Variants in TRHDE observed in about 807,000 individuals in gnomAD.
TRHDE encodes thyrotropin-releasing hormone-degrading ectoenzyme.
Under a neutral mutation model 125.7 loss-of-function variants are expected in TRHDE, and 72 were observed. That is an observed-to-expected ratio of 0.57 (90% CI 0.47 to 0.70). TRHDE has a LOEUF of 0.70. Among genes scored for constraint, TRHDE ranks in the 30% least tolerant of loss-of-function variants. The probability of loss-of-function intolerance (pLI) is 0.00; values close to 1 mark genes in which losing one functional copy is unlikely to be tolerated. For synonymous variants in TRHDE, 509 were observed against 509.1 expected, an observed-to-expected ratio of 1.00 and a Z score of 0.00; for missense variants, 1,110 against 1,327.1, an observed-to-expected ratio of 0.84 and a Z score of 2.54.
At chr12:72,441,549 C>T (rs1440282098) in intron 3 of TRHDE, among the ~76,000 whole-genome samples, 2 of 151,782 alleles carry the variant, frequency 1.3e-5, no homozygotes, top group African/African-American at 2.4e-5. Context: ...AGAAATACAG[C>T]TTCCTTTTAA....
Position 72,363,933 on chromosome 12 carries a change from C to A in TRHDE, c.1189-14062C>A, listed in dbSNP as rs547533230. On this transcript the variant is annotated intron_variant, in intron 2 of 18. Coordinates refer to ENST00000261180, the MANE Select transcript of TRHDE (RefSeq NM_013381.3). ...GCAACTTCAGCAAAGTCTCAGGATACAAAATCAATGTACAAAAATCACAAG... is the reference window on the plus strand; with the variant it reads ...GCAACTTCAGCAAAGTCTCAGGATAAAAAATCAATGTACAAAAATCACAAG... Among the ~76,000 whole-genome samples, 6 of 152,082 alleles carry A rather than the reference C, an allele frequency of 3.9e-5. No homozygotes were observed. In the East Asian group the frequency reaches 1.2e-3, roughly 30 times the overall value.
chr12:72,534,434 T>A (rs959284947), intron 6 of TRHDE, among the ~76,000 whole-genome samples: 1 of 152,108 alleles, frequency 6.6e-6, no homozygotes, highest in Admixed American at 6.6e-5. Context: ...CCTATTATCT[T>A]GAGTATAGAC....
chr12:72,533,638 C>T (rs528067299), intron 6 of TRHDE, among the ~76,000 whole-genome samples: 8 of 150,142 alleles, frequency 5.3e-5, no homozygotes, highest in South Asian at 4.2e-4. Context: ...CTTTCTTTCT[C>T]GGAGCTTTGC....
intron 12 of TRHDE, among the ~76,000 whole-genome samples, chr12:72,581,462 C>T (rs1871222273): frequency 6.6e-6 from 1 of 152,144 alleles, no homozygotes; most frequent in Non-Finnish European, 1.5e-5. Flanking sequence ...TTATCATCAT[C>T]ATCATAAATA....
At chr12:72,424,513 T>C (rs950235693) in intron 3 of TRHDE, among the ~76,000 whole-genome samples, 3 of 152,164 alleles carry the variant, frequency 2.0e-5, no homozygotes, top group African/African-American at 4.8e-5. Context: ...GTTGGACTTA[T>C]AATCTCCAGA....
chr12:72,198,851 C>T (rs1877496263), intron 2 of TRHDE, among the ~76,000 whole-genome samples: 1 of 152,012 alleles, frequency 6.6e-6, no homozygotes, highest in East Asian at 1.9e-4. Flanking sequence ...CACAGTTCTG[C>T]ATGGCTGGTG....
chr12:72,664,839 C>T lies in TRHDE; in HGVS notation c.*1644C>T, dbSNP rs1875055519. On this transcript the variant is annotated 3_prime_UTR_variant, in exon 19 of 19. Coordinates refer to ENST00000261180, the MANE Select transcript of TRHDE (RefSeq NM_013381.3). ...AATTAGTAGAAAAGAGGAGCTATTT[C>T]CGAATCTATAGAATAAAGTACCACC... 1 of 151,950 alleles carries T rather than the reference C, an allele frequency of 6.6e-6. No homozygotes were observed. Among genetic ancestry groups the T allele is most frequent in the South Asian group, 2.1e-4 (1 of 4,822 alleles). The allele number at this position is 151,950 out of a possible 1,614,324, so 9.4% of individuals were successfully genotyped here.
chr12:72,662,261 GCTT>G (rs148386527), intron 18 of TRHDE, among the ~76,000 whole-genome samples: 2,436 of 152,176 alleles, frequency 0.016, 62 homozygotes, highest in African/African-American at 0.056. Flanking sequence ...TTCATTGCCA[GCTT>G]CTTAAGATAT....
chr12:72,238,275 A>AAT (rs71071820), intron 2 of TRHDE, among the ~76,000 whole-genome samples: 42 of 38,196 alleles, frequency 1.1e-3, no homozygotes, highest in East Asian at 6.0e-3. Flanking sequence ...TCAGATCCTT[A>AAT]ATATATATAT....
chr12:72,353,916 C>A (rs1453008568), intron 2 of TRHDE, among the ~76,000 whole-genome samples: 2 of 149,194 alleles, frequency 1.3e-5, no homozygotes, highest in African/African-American at 4.9e-5. Context: ...GATGTCATGG[C>A]AGTTCAGCTC....
intron 3 of TRHDE, among the ~76,000 whole-genome samples, chr12:72,425,320 T>A (rs964467883): frequency 1.3e-5 from 2 of 152,182 alleles, no homozygotes; most frequent in Non-Finnish European, 2.9e-5. Context: ...TGATTAAATA[T>A]GCCTGCTGAA....
intron 2 of TRHDE, among the ~76,000 whole-genome samples, chr12:72,343,040 A>C (rs1870154187): frequency 6.6e-6 from 1 of 152,170 alleles, no homozygotes; most frequent in Admixed American, 6.6e-5. Flanking sequence ...TATAACTTGC[A>C]CAAGGCTACA....
chr12:72,089,409 A>G (rs1874740976), intron 1 of TRHDE, among the ~76,000 whole-genome samples: 1 of 152,168 alleles, frequency 6.6e-6, no homozygotes, highest in South Asian at 2.1e-4. Flanking sequence ...AAGGTTGTAC[A>G]TAATCCATAC....
At chr12:72,206,891 G>T (rs1245422499) in intron 2 of TRHDE, among the ~76,000 whole-genome samples, 2 of 151,888 alleles carry the variant, frequency 1.3e-5, no homozygotes, top group Non-Finnish European at 2.9e-5. Flanking sequence ...TTTTGCATAT[G>T]ATGAATTGAA....
intron 2 of TRHDE, among the ~76,000 whole-genome samples, chr12:72,368,661 T>A (rs1871442629): frequency 6.6e-6 from 1 of 152,220 alleles, no homozygotes; most frequent in South Asian, 2.1e-4. Context: ...ACACTCAGCA[T>A]GTGAATAGTG....
At chr12:72,440,049 A>G (rs948392995) in intron 3 of TRHDE, among the ~76,000 whole-genome samples, 2 of 151,834 alleles carry the variant, frequency 1.3e-5, no homozygotes, top group East Asian at 1.9e-4. Context: ...CTGTTAATGT[A>G]ATTTATCACA....
In TRHDE at chr12:72,467,495, G is replaced by T. The variant is rs759378315; in HGVS notation, c.1316-2263G>T. On this transcript the variant is annotated intron_variant, in intron 3 of 18. Transcript: ENST00000261180. ...TGTAGCGGAAGATGGGGTCATATTT[G>T]ACTTATTTTAATATATATTTCAGAC... Among the ~76,000 whole-genome samples, 14 of 151,960 alleles carry T rather than the reference G, an allele frequency of 9.2e-5. 1 individual carries two copies. Among genetic ancestry groups the T allele is most frequent in the Non-Finnish European group, 1.9e-4 (13 of 68,012 alleles).
At chr12:72,310,425 T>C (rs905751770) in intron 2 of TRHDE, among the ~76,000 whole-genome samples, 17 of 152,240 alleles carry the variant, frequency 1.1e-4, no homozygotes, top group African/African-American at 3.9e-4. Context: ...CTTGACTGCG[T>C]TTATTTTTGT....
intron 2 of TRHDE, chr12:72,257,960 T>C (rs564257604): frequency 1.3e-5 from 2 of 152,214 alleles, no homozygotes; most frequent in East Asian, 1.9e-4. Flanking sequence ...TTTAAATAGT[T>C]GGTCCAAAGA....
Sources: gnomAD v4.1 joint callset for allele counts (sites outside exome capture counted in the v4.1 genomes callset) on GRCh38, gnomAD v4.1.1 for gene constraint, MANE v1.5 for transcripts, NCBI Gene and HGNC (gene_info 2026-07-23, HGNC 2026-07-21) for gene names.